The following FAM178B variants were observed in gnomAD, a reference collection of about 807,000 sequenced individuals.
FAM178B encodes the protein family with sequence similarity 178 member B.
A neutral mutation model predicts 91.7 loss-of-function variants in FAM178B; 82 were observed. That is an observed-to-expected ratio of 0.89 (90% confidence interval 0.75 to 1.07). FAM178B has a LOEUF of 1.07. Among genes scored for constraint, FAM178B ranks in the 50% least tolerant of loss-of-function variants. The pLI is 0.00. For synonymous variants in FAM178B, 368 were observed against 359.4 expected (o/e 1.02, Z -0.27); for missense variants, 769 against 846.7 (o/e 0.91, Z 1.14).
intron 9 of FAM178B, among the ~76,000 whole-genome samples, chr2:96,928,782 C>T (rs1007286323): frequency 2.0e-5 from 3 of 152,000 alleles, no homozygotes; most frequent in Non-Finnish European, 4.4e-5. Context: ...GATCCTCAGG[C>T]GGGGGTGTGT....
At chr2:96,944,724 T>A (rs1028798077) in intron 8 of FAM178B, among the ~76,000 whole-genome samples, 9 of 152,336 alleles carry the variant, frequency 5.9e-5, no homozygotes, top group Admixed American at 1.3e-4. Context: ...ACGACCTAAC[T>A]AAAATGTGGC....
In FAM178B at chr2:96,986,510, T is replaced by C. The variant is rs2153376824; in HGVS notation, c.-197A>G. ...AAAGATCCAGTTCTGGGGATTGAGTTCCGACTCCAAACCAAGCGGCCAGCT... is the reference window on the plus strand; with the variant it reads ...AAAGATCCAGTTCTGGGGATTGAGTCCCGACTCCAAACCAAGCGGCCAGCT... On this transcript the variant is annotated 5_prime_UTR_variant, in exon 1 of 17. Coordinates refer to ENST00000490605, the MANE Select transcript of FAM178B (RefSeq NM_001122646.3). 1 of 661,436 alleles carries C rather than the reference T, an allele frequency of 1.5e-6. No individual in the cohort carries two copies. The highest frequency in any genetic ancestry group is 2.4e-6 in the Non-Finnish European group (1 of 408,340). The allele number at this position is 661,436 out of a possible 1,614,324, so 41.0% of individuals were successfully genotyped here. A position where few individuals can be genotyped will look rare whatever the true frequency, so the allele number is the denominator to read the frequency against.
Position 96,875,990 on chromosome 2 carries a change from G to T in FAM178B, c.*286C>A. On this transcript the variant is annotated 3_prime_UTR_variant, in exon 17 of 17. Coordinates refer to ENST00000490605, the MANE Select transcript of FAM178B (RefSeq NM_001122646.3). Reference sequence around the variant, plus strand: ...GAGGCCCAGGGAAACCAGAGCTATGGAGACAGAGGCCTTAGGGAAGAGGAG... The same window carrying T: ...GAGGCCCAGGGAAACCAGAGCTATGTAGACAGAGGCCTTAGGGAAGAGGAG... 1 of 494,664 alleles carries T rather than the reference G, an allele frequency of 2.0e-6. No individual in the cohort carries two copies. The allele number at this position is 494,664 out of a possible 1,614,324, so 30.6% of individuals were successfully genotyped here.
intron 8 of FAM178B, among the ~76,000 whole-genome samples, chr2:96,946,887 G>A (rs145024570): frequency 2.3e-4 from 35 of 152,342 alleles, no homozygotes; most frequent in African/African-American, 6.7e-4. Flanking sequence ...GGGCAGGGGC[G>A]GAGGAGTCTG....
intron 14 of FAM178B, among the ~76,000 whole-genome samples, chr2:96,891,818 G>C (rs1023932561): frequency 6.6e-6 from 1 of 152,208 alleles, no homozygotes; most frequent in Non-Finnish European, 1.5e-5. Flanking sequence ...TCCCAGACAG[G>C]AGTGAGAGGG....
chr2:96,927,981 A>G (rs1401184963), intron 9 of FAM178B, among the ~76,000 whole-genome samples: 2 of 152,240 alleles, frequency 1.3e-5, no homozygotes, highest in African/African-American at 4.8e-5. Flanking sequence ...TACACCAGAC[A>G]TGGAGCTGCG....
At chr2:96,965,075 C>G (rs928295529) in intron 5 of FAM178B, among the ~76,000 whole-genome samples, 5 of 152,196 alleles carry the variant, frequency 3.3e-5, no homozygotes, top group African/African-American at 4.8e-5. Flanking sequence ...TCTCAGCTCA[C>G]TGCAACCTCC....
At chr2:96,908,302 C>T (rs149739990) in intron 12 of FAM178B, among the ~76,000 whole-genome samples, 11 of 152,340 alleles carry the variant, frequency 7.2e-5, no homozygotes, top group Non-Finnish European at 1.3e-4. Flanking sequence ...TATATAACCA[C>T]GCACATTGAC....
intron 1 of FAM178B, among the ~76,000 whole-genome samples, chr2:96,981,164 C>T (rs1345092373): frequency 6.6e-6 from 1 of 152,046 alleles, no homozygotes; most frequent in Non-Finnish European, 1.5e-5. Flanking sequence ...TGGGGTTTCA[C>T]CATGTTGTCT....
chr2:96,882,883 C>T (rs899205483), intron 14 of FAM178B, among the ~76,000 whole-genome samples: 1 of 152,248 alleles, frequency 6.6e-6, no homozygotes, highest in Non-Finnish European at 1.5e-5. Flanking sequence ...CCGGAAACCT[C>T]AGTCAACATC....
chr2:96,906,680 G>T (rs1236377786), intron 12 of FAM178B, among the ~76,000 whole-genome samples: 8 of 152,136 alleles, frequency 5.3e-5, no homozygotes, highest in African/African-American at 1.9e-4. Flanking sequence ...GACCCCCGTG[G>T]GTGCAGGCCA....
intron 5 of FAM178B, among the ~76,000 whole-genome samples, chr2:96,964,078 G>T (rs531332927): frequency 1.1e-3 from 168 of 152,232 alleles, no homozygotes; most frequent in Non-Finnish European, 2.1e-3. Context: ...TTCTCGGGAG[G>T]CTGAAGCATG....
intron 13 of FAM178B, 139 bp from the exon 14 acceptor site, chr2:96,894,190 C>A: frequency 1.1e-6 from 1 of 920,708 alleles, no homozygotes; most frequent in Non-Finnish European, 1.6e-6. Context: ...CCACCTCTAC[C>A]TTATGAACTG....
chr2:96,951,603 G>A (rs1465220328), intron 6 of FAM178B, 119 bp from the exon 7 acceptor site: 6 of 738,044 alleles, frequency 8.1e-6, no homozygotes, highest in African/African-American at 5.2e-5. Flanking sequence ...TATCTGTAAC[G>A]CTAGAGACAA....
chr2:96,880,975 G>A (rs955423566), intron 14 of FAM178B, among the ~76,000 whole-genome samples: 14 of 152,126 alleles, frequency 9.2e-5, no homozygotes, highest in Non-Finnish European at 1.3e-4. Context: ...GCATGGGAGC[G>A]GGACTTGGCC....
intron 14 of FAM178B, among the ~76,000 whole-genome samples, chr2:96,891,370 G>C (rs1052302249): frequency 6.6e-6 from 1 of 152,214 alleles, no homozygotes; most frequent in East Asian, 1.9e-4. Context: ...AAGACCTTAA[G>C]AGACAAGGGG....
Position 96,914,971 on chromosome 2 carries a change from T to C in FAM178B, c.1562+6194A>G, listed in dbSNP as rs919758434. On this transcript the variant is annotated intron_variant, in intron 12 of 16. Transcript: ENST00000490605. ...AATCATTTGCTCTGATTCACAATGATGTGGGGCAGGGGTGGGGGGCAATGG... is the reference window on the plus strand; with the variant it reads ...AATCATTTGCTCTGATTCACAATGACGTGGGGCAGGGGTGGGGGGCAATGG... Among the ~76,000 whole-genome samples the C allele has an allele frequency of 3.3e-5, 5 of 150,582 alleles. 1 individual carries two copies. Among genetic ancestry groups the C allele is most frequent in the South Asian group, 4.3e-4 (2 of 4,700 alleles).
At chr2:96,892,667 G>T (rs565768981) in intron 14 of FAM178B, among the ~76,000 whole-genome samples, 26 of 152,166 alleles carry the variant, frequency 1.7e-4, no homozygotes, top group Non-Finnish European at 3.1e-4. Context: ...TGAGGCCCAG[G>T]ACTGGCCCCC....
At chr2:96,876,425 C>A in intron 16 of FAM178B, 117 bp from the exon 17 acceptor site, 1 of 1,303,362 alleles carries the variant, frequency 7.7e-7, no homozygotes, top group Non-Finnish European at 1.1e-6. Context: ...ATGCCAGGGG[C>A]CGAGTGAGCA....
Sources: gnomAD v4.1 joint callset for allele counts (sites outside exome capture counted in the v4.1 genomes callset) on GRCh38, gnomAD v4.1.1 for gene constraint, MANE v1.5 for transcripts, NCBI Gene and HGNC (gene_info 2026-07-23, HGNC 2026-07-21) for gene names.